The following C1QTNF7 variants were observed in gnomAD, a reference collection of about 807,000 sequenced individuals.
C1QTNF7 encodes C1q and TNF related 7.
Under a neutral mutation model 19.6 loss-of-function variants are expected in C1QTNF7, and 15 were observed. That is an observed-to-expected ratio of 0.76 (90% CI 0.51 to 1.18). The LOEUF (loss-of-function observed/expected upper bound fraction) is 1.18. C1QTNF7 is among the 50% of genes most tolerant of loss of function. The probability of loss-of-function intolerance (pLI) is 0.00; values close to 1 mark genes in which losing one functional copy is unlikely to be tolerated. For synonymous variants in C1QTNF7, 142 were observed against 137.5 expected (o/e 1.03, Z -0.23); for missense variants, 324 against 359.7 (o/e 0.90, Z 0.80).
chr4:15,393,390 G>T (rs1349765539), intron 1 of C1QTNF7, among the ~76,000 whole-genome samples: 1 of 152,168 alleles, frequency 6.6e-6, no homozygotes, highest in East Asian at 1.9e-4. Context: ...ACTGTGGTAA[G>T]AACCTACAGG....
At chr4:15,436,094 T>C in intron 2 of C1QTNF7, 113 bp downstream of exon 2, 2 of 1,422,950 alleles carry the variant, frequency 1.4e-6, no homozygotes, top group Non-Finnish European at 1.9e-6. Flanking sequence ...CTTCTGTACT[T>C]TCATTAATCG....
At chr4:15,433,201 A>T (rs1288611165) in intron 1 of C1QTNF7, among the ~76,000 whole-genome samples, 1 of 152,090 alleles carries the variant, frequency 6.6e-6, no homozygotes, top group Non-Finnish European at 1.5e-5. Context: ...TTTTTTTGGT[A>T]GAGATGGGGT....
At chr4:15,417,684 G>T (rs2108922610) in intron 1 of C1QTNF7, among the ~76,000 whole-genome samples, 1 of 152,312 alleles carries the variant, frequency 6.6e-6, no homozygotes, top group South Asian at 2.1e-4. Flanking sequence ...TTTAGCCCAA[G>T]AGTTGAAGGC....
chr4:15,340,962 T>C (rs1466748525), intron 1 of C1QTNF7, among the ~76,000 whole-genome samples: 2 of 152,308 alleles, frequency 1.3e-5, no homozygotes, highest in Admixed American at 1.3e-4. Flanking sequence ...ATCTTGTGCA[T>C]TGAGGTGGAG....
chr4:15,363,319 A>G (rs1330076357), intron 1 of C1QTNF7, among the ~76,000 whole-genome samples: 1 of 151,510 alleles, frequency 6.6e-6, no homozygotes. Flanking sequence ...TTTAATTGTT[A>G]TTTTTATTCA....
chr4:15,381,435 A>AC (rs1370426665), intron 1 of C1QTNF7, among the ~76,000 whole-genome samples: 1 of 151,996 alleles, frequency 6.6e-6, no homozygotes, highest in Admixed American at 6.6e-5. Flanking sequence ...AAAAAAAAAA[A>AC]ATTGTGAACA....
At chr4:15,340,036 G>T in exon 1 of C1QTNF7, 2 of 879,084 alleles carry the variant, frequency 2.3e-6, no homozygotes, top group South Asian at 2.9e-5. Context: ...ATGCTCAGAC[G>T]AGCACTTTAT....
At chr4:15,431,494 T>C (rs1712306257) in intron 1 of C1QTNF7, among the ~76,000 whole-genome samples, 1 of 152,232 alleles carries the variant, frequency 6.6e-6, no homozygotes, top group African/African-American at 2.4e-5. Flanking sequence ...ATTCCCTATA[T>C]AAAAAATTAA....
intron 1 of C1QTNF7, among the ~76,000 whole-genome samples, chr4:15,393,957 C>T (rs148230646): frequency 0.013 from 1,500 of 118,244 alleles, 8 homozygotes; most frequent in South Asian, 0.037. Flanking sequence ...ATAGTGACTG[C>T]ATTAAGGGGG....
At chr4:15,388,604 G>T (rs144863732) in intron 1 of C1QTNF7, among the ~76,000 whole-genome samples, 1 of 152,310 alleles carries the variant, frequency 6.6e-6, no homozygotes, top group East Asian at 1.9e-4. Flanking sequence ...AATTTGTGAA[G>T]GTGCTGTAGT....
In C1QTNF7 at chr4:15,396,222, G is replaced by A. The variant is rs771810025; in HGVS notation, c.14-39514G>A. ...ATGTGAAGATTCAGCCACTTGTACC[G>A]CATCCTGGGCCTCACTGCTCCAAAT... On this transcript the variant is annotated intron_variant, in intron 1 of 2. Transcript: ENST00000295297. Among the ~76,000 whole-genome samples, 74 of 152,250 alleles carry A rather than the reference G, an allele frequency of 4.9e-4. 1 individual carries two copies. Among genetic ancestry groups the A allele is most frequent in the African/African-American group, 1.7e-3 (71 of 41,552 alleles).
rs143437111 is a variant in C1QTNF7 at position 15,359,074 on chromosome 4, T to C, written c.13+18867T>C. On this transcript the variant is annotated intron_variant, in intron 1 of 2. Transcript: ENST00000295297. ...TTTCCCCTTTCAGACAGCTCCCTTGTTCTTGCCCAGCAAACACTGCCACCC... is the reference window on the plus strand; with the variant it reads ...TTTCCCCTTTCAGACAGCTCCCTTGCTCTTGCCCAGCAAACACTGCCACCC... Among the ~76,000 whole-genome samples, 622 of 152,278 alleles carry C rather than the reference T, an allele frequency of 4.1e-3. 5 individuals carry two copies. The highest frequency in any genetic ancestry group is 0.014 in the African/African-American group (587 of 41,566).
intron 1 of C1QTNF7, among the ~76,000 whole-genome samples, chr4:15,418,523 CT>C (rs1711548487): frequency 1.3e-5 from 2 of 152,180 alleles, no homozygotes; most frequent in Non-Finnish European, 2.9e-5. Flanking sequence ...TTTATCCCAT[CT>C]TCACCTGGCT....
chr4:15,438,048 C>T (rs1324397271), intron 2 of C1QTNF7, among the ~76,000 whole-genome samples: 1 of 152,164 alleles, frequency 6.6e-6, no homozygotes, highest in Non-Finnish European at 1.5e-5. Context: ...AATACATCAT[C>T]ATAATAACCA....
At chr4:15,345,831 C>T (rs974093719) in intron 1 of C1QTNF7, among the ~76,000 whole-genome samples, 3 of 152,144 alleles carry the variant, frequency 2.0e-5, no homozygotes, top group Non-Finnish European at 2.9e-5. Context: ...TACTGTGTGC[C>T]ATGACTTTAT....
At chr4:15,398,139 C>T (rs1233764085) in intron 1 of C1QTNF7, among the ~76,000 whole-genome samples, 1 of 152,188 alleles carries the variant, frequency 6.6e-6, no homozygotes, top group Non-Finnish European at 1.5e-5. Flanking sequence ...GCGTCAGTTG[C>T]TGTGTTTGGC....
intron 1 of C1QTNF7, among the ~76,000 whole-genome samples, chr4:15,390,077 A>G (rs1415736964): frequency 6.6e-6 from 1 of 152,220 alleles, no homozygotes; most frequent in African/African-American, 2.4e-5. Flanking sequence ...TCCGCTGTAT[A>G]CAAGACTATT....
chr4:15,442,719 G>T lies in C1QTNF7; in HGVS notation c.790G>T (p.Ala264Ser), dbSNP rs371568989. The change falls in exon 3 of 3, where the codon GCA (alanine) becomes TCA (serine). Residue 264 changes from alanine to serine, a missense_variant. Physicochemically the swap from Ala to Ser is moderately conservative, Grantham distance 99. Transcript: ENST00000444304. ...TGGCCTCTTCTCAGACCCAGGTTGGGCAGACAGCTTATTCTCCGGGTTTCT... is the reference window on the plus strand; with the variant it reads ...TGGCCTCTTCTCAGACCCAGGTTGGTCAGACAGCTTATTCTCCGGGTTTCT... ...QNGLFSDPGW[A>S]DSLFSGFLLY... 1.1e-5 allele frequency: 18 copies of T among 1,614,012 alleles called. No homozygotes were observed. Among genetic ancestry groups the T allele is most frequent in the Non-Finnish European group, 1.4e-5 (17 of 1,180,042 alleles).
intron 1 of C1QTNF7, among the ~76,000 whole-genome samples, chr4:15,350,601 C>A (rs1716902890): frequency 6.6e-6 from 1 of 152,106 alleles, no homozygotes; most frequent in Non-Finnish European, 1.5e-5. Context: ...TTAACCATCA[C>A]CACAAATTCT....
Sources: allele counts gnomAD v4.1 joint callset (sites outside exome capture counted in the v4.1 genomes callset), GRCh38; gene constraint gnomAD v4.1.1; transcripts MANE v1.5; gene names NCBI Gene and HGNC (gene_info 2026-07-23, HGNC 2026-07-21).